The following OR9Q1 variants were observed in gnomAD, a reference collection of about 807,000 sequenced individuals.
The protein encoded by OR9Q1 is olfactory receptor family 9 subfamily Q member 1.
For missense variants in OR9Q1, 374 were observed against 378.8 expected, an observed-to-expected ratio of 0.99 and a Z score of 0.11; for synonymous variants, 153 against 148.6, an observed-to-expected ratio of 1.03 and a Z score of -0.22.
intron 2 of OR9Q1, among the ~76,000 whole-genome samples, chr11:58,087,211 C>A (rs1295953023): frequency 6.6e-6 from 1 of 151,482 alleles, no homozygotes; most frequent in African/African-American, 2.4e-5. Flanking sequence ...CAGAAAAATT[C>A]ATATCTATAT....
chr11:58,031,798 C>T (rs1352968185), intron 1 of OR9Q1: 33 of 1,614,078 alleles, frequency 2.0e-5, no homozygotes, highest in Non-Finnish European at 2.7e-5. Flanking sequence ...CTGTCTTCTA[C>T]TCTGTTGTCA....
intron 2 of OR9Q1, among the ~76,000 whole-genome samples, chr11:58,069,027 G>A (rs1023529412): frequency 6.6e-6 from 1 of 152,194 alleles, no homozygotes; most frequent in Non-Finnish European, 1.5e-5. Flanking sequence ...GTTCAGCCAT[G>A]TGGGGACTGT....
At chr11:58,143,649 A>T (rs1440615761) in intron 2 of OR9Q1, among the ~76,000 whole-genome samples, 1 of 152,184 alleles carries the variant, frequency 6.6e-6, no homozygotes, top group Non-Finnish European at 1.5e-5. Context: ...GAGATGAACA[A>T]TGAAAACACA....
Position 58,181,217 on chromosome 11 carries a change from C to A in OR9Q1, c.*840C>A, listed in dbSNP as rs1156917794. 6.0e-6 allele frequency: 1 copy of A among 167,070 alleles called. No homozygotes were observed. Among genetic ancestry groups the A allele is most frequent in the African/African-American group, 2.4e-5 (1 of 41,432 alleles). The allele number at this position is 167,070 out of a possible 1,614,324, so 10.3% of individuals were successfully genotyped here. On this transcript the variant is annotated 3_prime_UTR_variant, in exon 3 of 3. Transcript: ENST00000335397. ...TCCACTTAGCAAAGTTATACCATTC[C>A]CACTGCCCATAATGGCGTCTTCAGT...
chr11:58,109,488 G>A (rs760437555), intron 2 of OR9Q1: 12 of 463,208 alleles, frequency 2.6e-5, no homozygotes, highest in South Asian at 6.2e-5. Flanking sequence ...AGAAGTACAC[G>A]GGGGTGTGGA....
intron 1 of OR9Q1, among the ~76,000 whole-genome samples, chr11:58,030,050 C>T (rs894921651): frequency 6.6e-6 from 1 of 152,096 alleles, no homozygotes; most frequent in African/African-American, 2.4e-5. Flanking sequence ...CAATGTTGGC[C>T]AGGCTGATCT....
At chr11:58,074,729 T>C (rs969055664) in intron 2 of OR9Q1, among the ~76,000 whole-genome samples, 1 of 152,212 alleles carries the variant, frequency 6.6e-6, no homozygotes, top group Non-Finnish European at 1.5e-5. Flanking sequence ...TAGGATTTTT[T>C]ATGGTTTTAG....
chr11:58,151,976 T>C (rs900500095), intron 2 of OR9Q1, among the ~76,000 whole-genome samples: 4 of 152,104 alleles, frequency 2.6e-5, no homozygotes, highest in Non-Finnish European at 5.9e-5. Flanking sequence ...AACCTTGACA[T>C]AGAGATTATT....
intron 2 of OR9Q1, chr11:58,119,078 A>G: frequency 6.2e-7 from 1 of 1,613,984 alleles, no homozygotes; most frequent in Non-Finnish European, 8.5e-7. Context: ...ATGGCAGCAT[A>G]GCGATCATAG....
chr11:58,133,404 A>G (rs1429204571), intron 2 of OR9Q1, among the ~76,000 whole-genome samples: 3 of 152,216 alleles, frequency 2.0e-5, no homozygotes, highest in Non-Finnish European at 4.4e-5. Context: ...TCTCTGTGCC[A>G]CAGACAGGCT....
At position 58,161,212 on chromosome 11, in the gene OR9Q1, T is replaced by TTAC. The variant is rs1335311381; in HGVS notation, c.-14-18219_-14-18218insTAC. Among the ~76,000 whole-genome samples the TTAC allele has an allele frequency of 2.7e-5, 4 of 147,988 alleles. No homozygotes were observed. The Admixed American group carries it at 2.7e-4, about 10-fold the overall frequency. On this transcript the variant is annotated intron_variant, in intron 2 of 2. Coordinates refer to ENST00000335397, the MANE Select transcript of OR9Q1 (RefSeq NM_001005212.4). ...ACCTATGTAACAAACCTGCATGTTG[T>TTAC]GCACATGTACCCTAGAACGTAAAGT...
intron 2 of OR9Q1, among the ~76,000 whole-genome samples, chr11:58,061,378 G>A (rs1187079658): frequency 6.6e-6 from 1 of 152,142 alleles, no homozygotes; most frequent in Non-Finnish European, 1.5e-5. Flanking sequence ...AGTCATTGAG[G>A]GTTTAAGTAC....
chr11:58,055,101 T>G (rs1392212797), intron 1 of OR9Q1, among the ~76,000 whole-genome samples: 1 of 152,178 alleles, frequency 6.6e-6, no homozygotes, highest in Non-Finnish European at 1.5e-5. Context: ...CATTCCTCAC[T>G]CTATCTGAAT....
At chr11:58,084,634 A>C (rs1198948077) in intron 2 of OR9Q1, among the ~76,000 whole-genome samples, 1 of 151,962 alleles carries the variant, frequency 6.6e-6, no homozygotes, top group East Asian at 1.9e-4. Flanking sequence ...AGGCTGGTTC[A>C]ACATACACAA....
chr11:58,037,396 G>A (rs1853110078), intron 1 of OR9Q1, among the ~76,000 whole-genome samples: 1 of 151,680 alleles, frequency 6.6e-6, no homozygotes, highest in Non-Finnish European at 1.5e-5. Context: ...AATATGTCTG[G>A]GGTATGCCTG....
In OR9Q1 at chr11:58,087,435, C is replaced by A. The variant is rs920031377; in HGVS notation, c.-15+31488C>A. Among the ~76,000 whole-genome samples the A allele has an allele frequency of 2.6e-5, 4 of 151,984 alleles. No homozygotes were observed. In the East Asian group the frequency reaches 7.7e-4, roughly 29 times the overall value. ...CAATGTTATGTTAGTGAGATTCATT[C>A]AGATGATTGTAGTAAACTATTATAT... On this transcript the variant is annotated intron_variant, in intron 2 of 2. Transcript: ENST00000335397.
At chr11:58,060,126 C>T (rs2119993435) in intron 2 of OR9Q1, 1 of 152,382 alleles carries the variant, frequency 6.6e-6, no homozygotes, top group East Asian at 1.9e-4. Flanking sequence ...CTGCCTTCCT[C>T]AGCTCTGCTT....
chr11:58,101,899 A>G (rs1853787046), intron 2 of OR9Q1, among the ~76,000 whole-genome samples: 2 of 152,090 alleles, frequency 1.3e-5, no homozygotes, highest in African/African-American at 4.8e-5. Flanking sequence ...GGTGTGCACC[A>G]CCACACCTGG....
At chr11:58,129,079 T>C (rs11824895) in intron 2 of OR9Q1, among the ~76,000 whole-genome samples, 26,194 of 152,120 alleles carry the variant, frequency 0.17, 2,389 homozygotes, top group Non-Finnish European at 0.21. Context: ...ACAGATTTAT[T>C]TCTTGCTCCA....
Sources: gnomAD v4.1 joint callset for allele counts (sites outside exome capture counted in the v4.1 genomes callset) on GRCh38, gnomAD v4.1.1 for gene constraint, MANE v1.5 for transcripts, NCBI Gene and HGNC (gene_info 2026-07-23, HGNC 2026-07-21) for gene names.